KEL: variants seen among roughly 807,000 people sequenced by gnomAD.
The protein encoded by KEL is Kell metallo-endopeptidase (Kell blood group), also known as kell blood group glycoprotein.
Under a neutral mutation model 99.5 loss-of-function variants are expected in KEL, and 96 were observed. The ratio of observed to expected loss-of-function variants is 0.97; its 90% CI spans 0.82 to 1.14. The LOEUF is 1.14. Among genes scored for constraint, KEL ranks in the 50% most tolerant of loss-of-function variants. The probability of loss-of-function intolerance (pLI) is 0.00; values close to 1 mark genes in which losing one functional copy is unlikely to be tolerated. For synonymous variants in KEL, 355 were observed against 354.8 expected, an observed-to-expected ratio of 1.00 and a Z score of -0.01; for missense variants, 926 against 924.2, an observed-to-expected ratio of 1.00 and a Z score of -0.03.
intron 10 of KEL, among the ~76,000 whole-genome samples, chr7:142,947,088 G>A (rs541226678): frequency 6.6e-5 from 10 of 152,252 alleles, no homozygotes; most frequent in Admixed American, 2.0e-4. Context: ...TTGGCGGTGG[G>A]CTTGCATGGC....
chr7:142,948,914 A>ACACACACACACACACAC (rs1389126108), intron 10 of KEL, among the ~76,000 whole-genome samples: 35 of 152,148 alleles, frequency 2.3e-4, no homozygotes, highest in African/African-American at 8.2e-4. Flanking sequence ...ACACACACAC[A>ACACACACACACACACAC]CACACACACA....
intron 18 of KEL, among the ~76,000 whole-genome samples, chr7:142,941,710 AG>A (rs748942804): frequency 1.4e-4 from 21 of 151,918 alleles, no homozygotes; most frequent in Non-Finnish European, 2.9e-4. Flanking sequence ...GAGTCTGTTG[AG>A]GGAGTACAGG....
intron 9 of KEL, 91 bp from the exon 10 acceptor site, chr7:142,952,729 C>G: frequency 7.0e-7 from 1 of 1,436,468 alleles, no homozygotes; most frequent in Non-Finnish European, 9.7e-7. Flanking sequence ...CCTTGATACT[C>G]GTGAAGGCAG....
intron 10 of KEL, among the ~76,000 whole-genome samples, chr7:142,950,773 G>C (rs550605208): frequency 6.6e-6 from 1 of 152,260 alleles, no homozygotes; most frequent in East Asian, 1.9e-4. Flanking sequence ...TTATAAAAAA[G>C]TTTTCTAACC....
chr7:142,949,329 T>C (rs748838758), intron 10 of KEL, among the ~76,000 whole-genome samples: 2 of 152,196 alleles, frequency 1.3e-5, no homozygotes, highest in Non-Finnish European at 2.9e-5. Context: ...ATAGTGCAAT[T>C]TGAGTGGAGT....
At position 142,962,233 on chromosome 7, in the gene KEL, C is replaced by A. The variant is rs763596672; in HGVS notation, c.-27G>T. The A allele has an allele frequency of 6.2e-7, 1 of 1,614,002 alleles. No homozygotes were observed. The highest frequency in any genetic ancestry group is 1.3e-5 in the African/African-American group (1 of 74,924). On this transcript the variant is annotated 5_prime_UTR_variant, in exon 1 of 19. Transcript: ENST00000355265. ...TGTCTATCTTCTGTGGCTCCAGAAT[C>A]CTTCCTGGTTCCACTCTAGGAGCTG...
At chr7:142,945,918 G>T (rs935268948) in intron 11 of KEL, among the ~76,000 whole-genome samples, 1 of 152,200 alleles carries the variant, frequency 6.6e-6, no homozygotes, top group African/African-American at 2.4e-5. Context: ...GTGAGCCACC[G>T]AGCCTGGCTC....
intron 11 of KEL, among the ~76,000 whole-genome samples, chr7:142,945,781 A>G (rs949785769): frequency 2.0e-5 from 3 of 152,098 alleles, no homozygotes; most frequent in African/African-American, 7.2e-5. Flanking sequence ...GGCATGCACC[A>G]CCACGCCCAG....
At chr7:142,944,621 C>T (rs1796466830) in intron 12 of KEL, 22 bp downstream of exon 12, 1 of 1,579,230 alleles carries the variant, frequency 6.3e-7, no homozygotes, top group Middle Eastern at 1.7e-4. Context: ...GCTCCCACAC[C>T]AGCCAGGACG....
intron 9 of KEL, among the ~76,000 whole-genome samples, chr7:142,953,161 A>C (rs935048820): frequency 2.6e-5 from 4 of 152,144 alleles, no homozygotes; most frequent in African/African-American, 9.7e-5. Context: ...CCCTGGAAGA[A>C]AGCCACTGCT....
At chr7:142,958,866 TGAA>T (rs1796892486) in intron 4 of KEL, among the ~76,000 whole-genome samples, 1 of 152,224 alleles carries the variant, frequency 6.6e-6, no homozygotes, top group Admixed American at 6.5e-5. Context: ...TATCTTACCC[TGAA>T]CATTCCCTTT....
At chr7:142,952,360 A>G (rs761867543) in intron 10 of KEL, 149 bp downstream of exon 10, 17 of 1,012,276 alleles carry the variant, frequency 1.7e-5, no homozygotes, top group Non-Finnish European at 2.5e-5. Context: ...TTGTCTGTCC[A>G]ACTTGCCTGC....
chr7:142,956,128 C>T (rs1796824699), intron 6 of KEL, among the ~76,000 whole-genome samples: 1 of 152,182 alleles, frequency 6.6e-6, no homozygotes, highest in Non-Finnish European at 1.5e-5. Flanking sequence ...ATGATAATCA[C>T]CCTCCTCCCA....
chr7:142,957,568 G>C (rs116026475), intron 6 of KEL, among the ~76,000 whole-genome samples: 212 of 152,236 alleles, frequency 1.4e-3, no homozygotes, highest in African/African-American at 4.9e-3. Flanking sequence ...CTGGTTAAGG[G>C]GCTCTGAGAC....
chr7:142,945,303 G>A (rs1796495966), intron 11 of KEL, among the ~76,000 whole-genome samples: 2 of 152,178 alleles, frequency 1.3e-5, no homozygotes, highest in South Asian at 4.1e-4. Flanking sequence ...GAGAGCCTGG[G>A]CTCTGGCATC....
rs1796937073 is a variant in KEL, at chr7:142,960,832, T to C, written c.400+96A>G. ...TCCCACCTGGGATGGTGCAAATCAG[T>C]TGTTCCACAACTACACAGGGTTTGG... is the stretch of plus-strand genomic sequence containing the variant. On this transcript the variant is annotated intron_variant, in intron 4 of 18. Coordinates refer to ENST00000355265, the MANE Select transcript of KEL (RefSeq NM_000420.3). The C allele has an allele frequency of 8.1e-6, 10 of 1,241,220 alleles. No homozygotes were observed. The South Asian group carries it at 1.1e-4, about 13-fold the overall frequency. The allele number at this position is 1,241,220 out of a possible 1,614,324, so 76.9% of individuals were successfully genotyped here. A position where few individuals can be genotyped will look rare whatever the true frequency, so the allele number is the denominator to read the frequency against.
rs867899950 is a variant in KEL, at chr7:142,958,013, G to T, written c.526-40C>A. The T allele has an allele frequency of 3.1e-6, 5 of 1,603,804 alleles. No homozygotes were observed. In the African/African-American group the frequency reaches 6.7e-5, roughly 21 times the overall value. On this transcript the variant is annotated intron_variant, in intron 5 of 18. Coordinates refer to ENST00000355265, the MANE Select transcript of KEL (RefSeq NM_000420.3). ...GAGGGGGCTGAGCATAAGGATCCGT[G>T]GAGCCCATCCCCCATTGTCTGGATC...
At chr7:142,960,118 A>G (rs561856134) in intron 4 of KEL, among the ~76,000 whole-genome samples, 1 of 152,228 alleles carries the variant, frequency 6.6e-6, no homozygotes, top group African/African-American at 2.4e-5. Context: ...TCCAGCCTCC[A>G]TCTGCAGGAA....
intron 13 of KEL, 117 bp downstream of exon 13, chr7:142,944,206 G>A: frequency 1.2e-6 from 1 of 862,054 alleles, no homozygotes; most frequent in East Asian, 2.4e-5. Context: ...CAGCACCAGA[G>A]TAAGGACAGA....
Sources: gnomAD v4.1 joint callset for allele counts (sites outside exome capture counted in the v4.1 genomes callset) on GRCh38, gnomAD v4.1.1 for gene constraint, MANE v1.5 for transcripts, NCBI Gene and HGNC (gene_info 2026-07-23, HGNC 2026-07-21) for gene names.